The following PSMD14 variants were observed in gnomAD, a reference collection of about 807,000 sequenced individuals.
PSMD14 encodes the protein proteasome 26S subunit, non-ATPase 14, also known as ubiquitin C-terminal hydrolase PSMD14.
PSMD14 carries 7 observed loss-of-function variants against 41.2 expected under a neutral mutation model. The observed-to-expected ratio is 0.17, with a 90% CI of 0.10 to 0.32. The LOEUF (loss-of-function observed/expected upper bound fraction) is 0.32, where lower values mean the gene tolerates loss of function less well. Among genes scored for constraint, PSMD14 ranks in the 10% least tolerant of loss-of-function variants. PSMD14 has a pLI of 1.00. For synonymous variants in PSMD14, 114 were observed against 122.3 expected (o/e 0.93, Z 0.45); for missense variants, 139 against 375.6 (o/e 0.37, Z 5.21).
chr2:161,370,943 C>T (rs1162171448), intron 6 of PSMD14, among the ~76,000 whole-genome samples: 1 of 152,140 alleles, frequency 6.6e-6, no homozygotes, highest in Non-Finnish European at 1.5e-5. Context: ...CCTTATCTAC[C>T]ACTGCTAATG....
chr2:161,359,499 ATTT>A lies in PSMD14; in HGVS notation c.49-7971_49-7969del, dbSNP rs901864717. On this transcript the variant is annotated intron_variant, in intron 3 of 11. Transcript: ENST00000409682. Reference sequence around the variant, plus strand: ...AAAAAGTTATTTTTTTAAGGCAAAGATTTTTTTTTTAATTGGACTTGGAAAAAG... The same window carrying A: ...AAAAAGTTATTTTTTTAAGGCAAAGATTTTTTTAATTGGACTTGGAAAAAG... 2.0e-5 allele frequency among the ~76,000 whole-genome samples: 3 copies of A among 149,778 alleles called. No homozygotes were observed. In the East Asian group the frequency reaches 5.9e-4, roughly 29 times the overall value.
chr2:161,322,395 T>C (rs537982161), intron 3 of PSMD14, among the ~76,000 whole-genome samples: 3 of 152,108 alleles, frequency 2.0e-5, no homozygotes, highest in Non-Finnish European at 2.9e-5. Flanking sequence ...GTTATTGTTA[T>C]TATTATTATT....
Position 161,319,765 on chromosome 2 carries a change from T to A in PSMD14, c.48+892T>A, listed in dbSNP as rs148587539. The stretch of plus-strand genomic sequence containing the variant: ...AATCTGTGTTTACTATAAGAAGCAG[T>A]TTTTGTTTCAGACTTCATGAAATTT... On this transcript the variant is annotated intron_variant, in intron 3 of 11. Transcript: ENST00000409682. Among the ~76,000 whole-genome samples the A allele has an allele frequency of 4.4e-3, 677 of 152,260 alleles. 7 individuals carry two copies. Among genetic ancestry groups the A allele is most frequent in the African/African-American group, 0.015 (639 of 41,566 alleles).
intron 3 of PSMD14, among the ~76,000 whole-genome samples, chr2:161,342,897 A>C (rs1028428710): frequency 6.6e-6 from 1 of 152,086 alleles, no homozygotes; most frequent in African/African-American, 2.4e-5. Flanking sequence ...TATAGTATAC[A>C]TCTTTAACTT....
At chr2:161,391,810 G>A (rs969131117) in intron 9 of PSMD14, among the ~76,000 whole-genome samples, 1 of 152,064 alleles carries the variant, frequency 6.6e-6, no homozygotes, top group African/African-American at 2.4e-5. Context: ...TGTTGCTCAG[G>A]TTGGGCTTGA....
chr2:161,388,998 A>T (rs757469128), intron 8 of PSMD14, among the ~76,000 whole-genome samples: 1 of 152,158 alleles, frequency 6.6e-6, no homozygotes, highest in Non-Finnish European at 1.5e-5. Flanking sequence ...TGAGGATATC[A>T]TTTGATTTAA....
At chr2:161,340,060 G>C (rs1459608462) in intron 3 of PSMD14, among the ~76,000 whole-genome samples, 2 of 152,176 alleles carry the variant, frequency 1.3e-5, no homozygotes, top group South Asian at 2.1e-4. Flanking sequence ...TCTAAGAAAA[G>C]GCATAGGTCA....
chr2:161,368,549 A>G (rs1683390810), intron 5 of PSMD14, among the ~76,000 whole-genome samples: 1 of 152,072 alleles, frequency 6.6e-6, no homozygotes. Flanking sequence ...TTGTGTTGAT[A>G]GATGTGCATT....
chr2:161,400,588 G>T (rs1416767682), intron 10 of PSMD14, among the ~76,000 whole-genome samples: 1 of 152,040 alleles, frequency 6.6e-6, no homozygotes, highest in Non-Finnish European at 1.5e-5. Context: ...AGGTCTCACT[G>T]TGTCACTCAG....
At chr2:161,358,668 G>A (rs1297607020) in intron 3 of PSMD14, among the ~76,000 whole-genome samples, 1 of 152,174 alleles carries the variant, frequency 6.6e-6, no homozygotes, top group Non-Finnish European at 1.5e-5. Context: ...AGCCTGGCCG[G>A]GCACGGTGGC....
At chr2:161,335,178 C>T (rs569575788) in intron 3 of PSMD14, among the ~76,000 whole-genome samples, 1 of 152,280 alleles carries the variant, frequency 6.6e-6, no homozygotes, top group East Asian at 1.9e-4. Context: ...CTTCAGAATA[C>T]AAATGGGCAC....
At chr2:161,402,638 C>T (rs1683895488) in intron 10 of PSMD14, among the ~76,000 whole-genome samples, 1 of 151,586 alleles carries the variant, frequency 6.6e-6, no homozygotes, top group Non-Finnish European at 1.5e-5. Context: ...AAGGCTCTGT[C>T]TCTTAAACAA....
At chr2:161,318,419 G>A (rs889927741) in intron 2 of PSMD14, among the ~76,000 whole-genome samples, 6 of 152,126 alleles carry the variant, frequency 3.9e-5, no homozygotes, top group Admixed American at 3.3e-4. Flanking sequence ...TAATTTAAAA[G>A]TGAGGATTTT....
At chr2:161,320,954 G>C (rs1402338449) in intron 3 of PSMD14, among the ~76,000 whole-genome samples, 1 of 152,134 alleles carries the variant, frequency 6.6e-6, no homozygotes, top group Non-Finnish European at 1.5e-5. Flanking sequence ...TTGAACTCCT[G>C]ACCTCAAGTG....
chr2:161,373,609 G>A (rs565933570), intron 7 of PSMD14, among the ~76,000 whole-genome samples: 62 of 151,862 alleles, frequency 4.1e-4, no homozygotes, highest in Non-Finnish European at 6.3e-4. Flanking sequence ...CTTTTCCTGC[G>A]TGTGATTTAT....
chr2:161,309,792 T>G (rs1014437645), intron 1 of PSMD14, among the ~76,000 whole-genome samples: 1 of 152,206 alleles, frequency 6.6e-6, no homozygotes, highest in Admixed American at 6.5e-5. Context: ...ATGCTTCACC[T>G]GTTGACTTTG....
chr2:161,385,364 G>A, intron 7 of PSMD14, 100 bp from the exon 8 acceptor site: 1 of 549,674 alleles, frequency 1.8e-6, no homozygotes, highest in Non-Finnish European at 3.2e-6. Flanking sequence ...TCTGGATATA[G>A]TCCAGAAACA....
intron 6 of PSMD14, 126 bp from the exon 7 acceptor site, chr2:161,371,046 G>A (rs1683424878): frequency 1.9e-6 from 2 of 1,075,090 alleles, no homozygotes; most frequent in Non-Finnish European, 2.6e-6. Flanking sequence ...TTCTAATGGT[G>A]CTTTTTCACA....
chr2:161,367,447 T>C, intron 3 of PSMD14, 31 bp from the exon 4 acceptor site: 1 of 1,521,834 alleles, frequency 6.6e-7, no homozygotes, highest in South Asian at 1.2e-5. Flanking sequence ...TCTGTGTTTG[T>C]TTTAATAATA....
Sources: allele counts gnomAD v4.1 joint callset (sites outside exome capture counted in the v4.1 genomes callset), GRCh38; gene constraint gnomAD v4.1.1; transcripts MANE v1.5; gene names NCBI Gene and HGNC (gene_info 2026-07-23, HGNC 2026-07-21).